PCDH9: variants seen among roughly 807,000 people sequenced by gnomAD.
PCDH9 encodes protocadherin-9.
In PCDH9, 24 loss-of-function variants were observed where a neutral mutation model predicts 70.6. The ratio of observed to expected loss-of-function variants is 0.34; its 90% confidence interval spans 0.25 to 0.48. The LOEUF is 0.48. Among genes scored for constraint, PCDH9 ranks in the 20% least tolerant of loss-of-function variants. The pLI is 0.99. For synonymous variants in PCDH9, 562 were observed against 558.5 expected (o/e 1.01, Z -0.09); for missense variants, 1,281 against 1,503.6 (o/e 0.85, Z 2.45).
At position 67,225,491 on chromosome 13, in the gene PCDH9, A is replaced by G; in HGVS notation, c.2950T>C (p.Ser984Pro). 1.2e-6 allele frequency: 2 copies of G among 1,614,062 alleles called. No homozygotes were observed. Among genetic ancestry groups the G allele is most frequent in the Non-Finnish European group, 1.7e-6 (2 of 1,179,906 alleles). Residue 984 changes from serine to proline, a missense_variant, in exon 2 of 5, where the codon TCT becomes CCT. Around this residue, in one of 4 missense-constraint regions of PCDH9, gnomAD observed 207 missense variants for 191.8 expected, o/e 1.08. Coordinates refer to ENST00000377865, the MANE Select transcript of PCDH9 (RefSeq NM_203487.3). ...VGGCDTLSKR[S>P]STSSDHFSAS... is the part of the protein sequence containing the mutation. Reference sequence around the variant, plus strand: ...CTGAAGTGATCTGAACTAGTGGAAGAGCGTTTAGAAAGGGTGTCACAACCC... The same window carrying G: ...CTGAAGTGATCTGAACTAGTGGAAGGGCGTTTAGAAAGGGTGTCACAACCC...
intron 2 of PCDH9, among the ~76,000 whole-genome samples, chr13:67,112,045 A>G (rs1407690049): frequency 6.6e-6 from 1 of 152,216 alleles, no homozygotes; most frequent in African/African-American, 2.4e-5. Context: ...GCAATTTGCT[A>G]TCAGAATAAT....
chr13:66,872,966 T>C (rs948837000), intron 3 of PCDH9, among the ~76,000 whole-genome samples: 1 of 152,160 alleles, frequency 6.6e-6, no homozygotes, highest in African/African-American at 2.4e-5. Flanking sequence ...TGAATGATGA[T>C]AGGAAGAAGA....
rs1026317740 is a variant in PCDH9 at position 66,727,539 on chromosome 13, AG to A, written c.3139-96129del. Among the ~76,000 whole-genome samples, 5 of 152,148 alleles carry A rather than the reference AG, an allele frequency of 3.3e-5. 1 individual carries two copies. Among genetic ancestry groups the A allele is most frequent in the Non-Finnish European group, 7.4e-5 (5 of 68,000 alleles). ...GTCTGCTACAAAATATTGAATTTTA[AG>A]GGAAGTTAAATTAAAATATATTATA... On this transcript the variant is annotated intron_variant, in intron 3 of 4. Transcript: ENST00000377865.
At chr13:67,013,400 T>C (rs531539804) in intron 2 of PCDH9, among the ~76,000 whole-genome samples, 70 of 152,096 alleles carry the variant, frequency 4.6e-4, no homozygotes, top group African/African-American at 1.6e-3. Context: ...CATTGAATGT[T>C]AAATTTTTAA....
rs114901420 is a variant in PCDH9, at chr13:66,969,225, C to G, written c.3037-65620G>C. Among the ~76,000 whole-genome samples the G allele has an allele frequency of 5.5e-3, 843 of 152,050 alleles. 13 individuals carry two copies. The highest frequency in any genetic ancestry group is 0.02 in the African/African-American group (825 of 41,512). On this transcript the variant is annotated intron_variant, in intron 2 of 4. Transcript: ENST00000377865. ...TAACATTTGCAACGCACCTAATTTT[C>G]AACCCATACTTTGTTATGAATCAGT... is the stretch of plus-strand genomic sequence containing the variant.
At chr13:67,029,184 C>T (rs905422045) in intron 2 of PCDH9, among the ~76,000 whole-genome samples, 4 of 151,992 alleles carry the variant, frequency 2.6e-5, no homozygotes, top group Non-Finnish European at 5.9e-5. Context: ...TTTTTTTTCT[C>T]ATCACAAAGA....
intron 2 of PCDH9, among the ~76,000 whole-genome samples, chr13:67,089,466 C>T (rs2086173441): frequency 6.6e-6 from 1 of 151,944 alleles, no homozygotes; most frequent in African/African-American, 2.4e-5. Flanking sequence ...TCTTATTGGA[C>T]ATGTACTTAT....
intron 2 of PCDH9, among the ~76,000 whole-genome samples, chr13:66,909,399 C>T (rs1304031448): frequency 6.6e-6 from 1 of 151,768 alleles, no homozygotes; most frequent in African/African-American, 2.4e-5. Context: ...CAGTGCAATC[C>T]CTATCAAAAT....
chr13:66,537,249 A>G (rs1235497463), intron 4 of PCDH9, among the ~76,000 whole-genome samples: 1 of 152,124 alleles, frequency 6.6e-6, no homozygotes, highest in Non-Finnish European at 1.5e-5. Context: ...CCAATGATGC[A>G]TTATGCTCAG....
intron 3 of PCDH9, among the ~76,000 whole-genome samples, chr13:66,649,623 C>T (rs1264083442): frequency 6.8e-6 from 1 of 147,206 alleles, no homozygotes; most frequent in African/African-American, 2.4e-5. Context: ...TCTGAAGATA[C>T]AAAACTTACT....
At chr13:66,927,481 CAA>C (rs980474607) in intron 2 of PCDH9, among the ~76,000 whole-genome samples, 1 of 152,040 alleles carries the variant, frequency 6.6e-6, no homozygotes, top group African/African-American at 2.4e-5. Flanking sequence ...ATCTGCACAG[CAA>C]ACCCCTATGA....
chr13:66,824,082 A>G (rs572216012), intron 3 of PCDH9, among the ~76,000 whole-genome samples: 1 of 152,018 alleles, frequency 6.6e-6, no homozygotes, highest in African/African-American at 2.4e-5. Context: ...TGTACAGTCA[A>G]AATTAATCAT....
chr13:66,630,613 A>G lies in PCDH9; in HGVS notation c.3340+597T>C, dbSNP rs1425076181. On this transcript the variant is annotated intron_variant, in intron 4 of 4. Transcript: ENST00000377865. ...TCCCTCAGCATAGTAGTAAAAAAACAAATTATCCAAGAATTCAAGTAGACA... is the reference window on the plus strand; with the variant it reads ...TCCCTCAGCATAGTAGTAAAAAAACGAATTATCCAAGAATTCAAGTAGACA... The G allele has an allele frequency of 3.9e-5, 6 of 152,206 alleles. No individual in the cohort carries two copies. In the South Asian group the frequency reaches 1.2e-3, roughly 31 times the overall value. 9.4% of individuals were successfully genotyped at this position (152,206 alleles called of 1,614,324 possible). A position where few individuals can be genotyped will look rare whatever the true frequency, so the allele number is the denominator to read the frequency against.
chr13:67,113,529 A>G (rs1319782543), intron 2 of PCDH9, among the ~76,000 whole-genome samples: 1 of 151,896 alleles, frequency 6.6e-6, no homozygotes, highest in Non-Finnish European at 1.5e-5. Flanking sequence ...AACAACTTAC[A>G]TTAGTTTATT....
intron 3 of PCDH9, among the ~76,000 whole-genome samples, chr13:66,880,347 T>A (rs1375559852): frequency 1.3e-5 from 2 of 152,182 alleles, no homozygotes; most frequent in Admixed American, 1.3e-4. Flanking sequence ...TAAGACATCA[T>A]CATTTGTGAA....
chr13:66,588,452 T>C (rs1344135345), intron 4 of PCDH9, among the ~76,000 whole-genome samples: 2 of 151,568 alleles, frequency 1.3e-5, no homozygotes, highest in Non-Finnish European at 2.9e-5. Context: ...TTTACTGTTA[T>C]TACTTTTTAT....
chr13:66,927,980 G>A (rs540590780), intron 2 of PCDH9, among the ~76,000 whole-genome samples: 2 of 152,108 alleles, frequency 1.3e-5, no homozygotes, highest in African/African-American at 4.8e-5. Flanking sequence ...ATTAATTTGA[G>A]GTCCTATTTG....
chr13:66,646,908 C>T (rs763727168), intron 3 of PCDH9, among the ~76,000 whole-genome samples: 15 of 152,080 alleles, frequency 9.9e-5, no homozygotes, highest in African/African-American at 4.8e-5. Flanking sequence ...AGGGAGAGCG[C>T]AGTGATTGTG....
At chr13:66,828,834 TAAC>T (rs1257435441) in intron 3 of PCDH9, among the ~76,000 whole-genome samples, 125 of 139,140 alleles carry the variant, frequency 9.0e-4, no homozygotes, top group African/African-American at 2.7e-3. Flanking sequence ...ATAATAATAA[TAAC>T]AACAATGTGG....
Sources: gnomAD v4.1 joint callset for allele counts (sites outside exome capture counted in the v4.1 genomes callset) on GRCh38, gnomAD v4.1.1 for gene constraint, gnomAD v4.1.1 regional missense constraint, MANE v1.5 for transcripts, NCBI Gene and HGNC (gene_info 2026-07-23, HGNC 2026-07-21) for gene names.